The following RAPGEF2 variants were observed in gnomAD, a reference collection of about 807,000 sequenced individuals.
RAPGEF2 encodes PDZ domain containing guanine nucleotide exchange factor (GEF) 1.
Under a neutral mutation model 186.7 loss-of-function variants are expected in RAPGEF2, and 54 were observed. That is an observed-to-expected ratio of 0.29 (90% CI 0.23 to 0.36). The LOEUF is 0.36. Among genes scored for constraint, RAPGEF2 ranks in the 10% least tolerant of loss-of-function variants. RAPGEF2 has a pLI of 1.00. For missense variants in RAPGEF2, 1,532 were observed against 2,045.0 expected, an observed-to-expected ratio of 0.75 and a Z score of 4.84; for synonymous variants, 712 against 705.9, an observed-to-expected ratio of 1.01 and a Z score of -0.14.
At chr4:159,203,437 C>T (rs976346214) in intron 3 of RAPGEF2, among the ~76,000 whole-genome samples, 4 of 152,128 alleles carry the variant, frequency 2.6e-5, no homozygotes, top group African/African-American at 4.8e-5. Context: ...TTATGACGTT[C>T]TGGCACCTGC....
At position 159,234,092 on chromosome 4, in the gene RAPGEF2, T is replaced by C. The variant is rs528347406; in HGVS notation, c.282-4717T>C. ...GGTATGTTGAATCTGTAGATCACCT[T>C]ATGTAGTTTATTATAAGACTTACTA... On this transcript the variant is annotated intron_variant, in intron 4 of 29. Transcript: ENST00000691494. Among the ~76,000 whole-genome samples the C allele has an allele frequency of 3.3e-5, 5 of 151,864 alleles. No individual in the cohort carries two copies. In the East Asian group the frequency reaches 9.7e-4, roughly 29 times the overall value.
chr4:159,330,610 G>A, intron 13 of RAPGEF2, 112 bp downstream of exon 13: 4 of 727,352 alleles, frequency 5.5e-6, no homozygotes, highest in Non-Finnish European at 4.3e-6. Flanking sequence ...TGAAATAGGA[G>A]AATGTAATTC....
chr4:159,175,446 C>G (rs1436300445), intron 1 of RAPGEF2, among the ~76,000 whole-genome samples: 1 of 152,036 alleles, frequency 6.6e-6, no homozygotes, highest in Non-Finnish European at 1.5e-5. Flanking sequence ...TTTATTTGCT[C>G]TGGTGCTTTA....
chr4:159,147,575 C>A (rs1366695524), intron 1 of RAPGEF2, among the ~76,000 whole-genome samples: 1 of 152,054 alleles, frequency 6.6e-6, no homozygotes, highest in Non-Finnish European at 1.5e-5. Context: ...CTTGATAGAG[C>A]AAATCAAGAA....
At chr4:159,186,828 C>A in intron 2 of RAPGEF2, 116 bp downstream of exon 2, 2 of 554,942 alleles carry the variant, frequency 3.6e-6, no homozygotes, top group South Asian at 2.9e-5. Context: ...TGTACATATT[C>A]GTGGGGTACA....
At chr4:159,162,441 A>T (rs1229447529) in intron 1 of RAPGEF2, among the ~76,000 whole-genome samples, 1 of 151,830 alleles carries the variant, frequency 6.6e-6, no homozygotes, top group African/African-American at 2.4e-5. Flanking sequence ...GAAAAAATTA[A>T]TTATTATAAT....
intron 1 of RAPGEF2, 99 bp from the exon 2 acceptor site, chr4:159,186,543 T>A: frequency 1.9e-6 from 1 of 521,326 alleles, no homozygotes; most frequent in Non-Finnish European, 3.2e-6. Flanking sequence ...TTAAAAAAGC[T>A]ATCCATAGTT....
intron 25 of RAPGEF2, 113 bp from the exon 26 acceptor site, chr4:159,349,997 AAAGAACATTTAGATTGTAAATAGGTTG>A (rs1730937859): frequency 1.1e-5 from 6 of 532,756 alleles, no homozygotes; most frequent in Non-Finnish European, 1.9e-5. Flanking sequence ...TGAAGAGTAC[AAAGAACATTTAGATTGTAAATAGGTTG>A]AACCTCAGTG....
intron 1 of RAPGEF2, among the ~76,000 whole-genome samples, chr4:159,107,299 G>A (rs1262005713): frequency 6.6e-6 from 1 of 152,114 alleles, no homozygotes; most frequent in African/African-American, 2.4e-5. Flanking sequence ...GAGAAGCTTG[G>A]TCACCAAGGC....
At chr4:159,135,925 A>C (rs1366454055) in intron 1 of RAPGEF2, among the ~76,000 whole-genome samples, 1 of 152,188 alleles carries the variant, frequency 6.6e-6, no homozygotes, top group East Asian at 1.9e-4. Flanking sequence ...AAATAAATTT[A>C]GATTTACAGA....
At chr4:159,334,334 C>T (rs1197587661) in intron 17 of RAPGEF2, among the ~76,000 whole-genome samples, 2 of 152,210 alleles carry the variant, frequency 1.3e-5, no homozygotes, top group Admixed American at 6.5e-5. Flanking sequence ...CTGCAACCTT[C>T]ACCTCCTGAG....
intron 7 of RAPGEF2, among the ~76,000 whole-genome samples, chr4:159,290,195 G>A (rs1387556644): frequency 6.6e-6 from 1 of 152,216 alleles, no homozygotes; most frequent in Non-Finnish European, 1.5e-5. Context: ...CCCTCTCAGA[G>A]TGCTGTCACA....
In RAPGEF2 at chr4:159,359,104, A is replaced by G. The variant is rs1732445557; in HGVS notation, c.*965A>G. On this transcript the variant is annotated 3_prime_UTR_variant, in exon 30 of 30. Transcript: ENST00000691494. Reference sequence around the variant, plus strand: ...ATGGCAAACCCCATTTTTAAGTTATATTTCTTTGATTTTTGTTAATTTAGA... The same window carrying G: ...ATGGCAAACCCCATTTTTAAGTTATGTTTCTTTGATTTTTGTTAATTTAGA... The G allele has an allele frequency of 6.6e-6, 1 of 150,984 alleles. No homozygotes were observed. Among genetic ancestry groups the G allele is most frequent in the African/African-American group, 2.4e-5 (1 of 40,972 alleles). 9.4% of individuals were successfully genotyped at this position (150,984 alleles called of 1,614,324 possible).
intron 3 of RAPGEF2, among the ~76,000 whole-genome samples, chr4:159,194,128 T>G (rs1398485702): frequency 6.6e-6 from 1 of 152,202 alleles, no homozygotes; most frequent in East Asian, 1.9e-4. Context: ...GTCTCAAAGA[T>G]GTGTCCCGGA....
Position 159,264,801 on chromosome 4 carries a change from C to T in RAPGEF2, c.543+21010C>T, listed in dbSNP as rs374507244. 9.2e-5 allele frequency among the ~76,000 whole-genome samples: 14 copies of T among 152,096 alleles called. 1 individual carries two copies. In the South Asian group the frequency reaches 2.5e-3, roughly 27 times the overall value. ...CACCCTCCATTCTACTTTGTGCCTA[C>T]GTGAATTTGACTATTTGACTACTCT... On this transcript the variant is annotated intron_variant, in intron 7 of 29. Coordinates refer to ENST00000691494, the MANE Select transcript of RAPGEF2 (RefSeq NM_001394067.2).
intron 4 of RAPGEF2, among the ~76,000 whole-genome samples, chr4:159,220,603 CT>C (rs1203959310): frequency 6.6e-6 from 1 of 152,156 alleles, no homozygotes; most frequent in Non-Finnish European, 1.5e-5. Context: ...TCTGGACATA[CT>C]TTTGTCTAAG....
At chr4:159,175,222 T>C (rs961943669) in intron 1 of RAPGEF2, among the ~76,000 whole-genome samples, 3 of 152,196 alleles carry the variant, frequency 2.0e-5, no homozygotes, top group Admixed American at 2.0e-4. Flanking sequence ...GGGTGTAAAT[T>C]AGTAAGTTCA....
chr4:159,213,655 A>C (rs539277274), intron 4 of RAPGEF2, among the ~76,000 whole-genome samples: 1 of 152,132 alleles, frequency 6.6e-6, no homozygotes, highest in South Asian at 2.1e-4. Context: ...TCAGCATTTT[A>C]TGTTTTTCTA....
chr4:159,255,088 C>G (rs1469751473), intron 7 of RAPGEF2, among the ~76,000 whole-genome samples: 2 of 152,170 alleles, frequency 1.3e-5, no homozygotes, highest in Admixed American at 6.5e-5. Flanking sequence ...CAGTGACATG[C>G]TGTACAGATT....
Sources: gnomAD v4.1 joint callset for allele counts (sites outside exome capture counted in the v4.1 genomes callset) on GRCh38, gnomAD v4.1.1 for gene constraint, MANE v1.5 for transcripts, NCBI Gene and HGNC (gene_info 2026-07-23, HGNC 2026-07-21) for gene names.